Variants in HACL1 observed in about 807,000 individuals in gnomAD.
HACL1 encodes the protein 1600020H07Rik.
HACL1 carries 64 observed loss-of-function variants against 74.2 expected under a neutral mutation model. That is an observed-to-expected ratio of 0.86 (90% CI 0.70 to 1.06). The LOEUF (loss-of-function observed/expected upper bound fraction) is 1.06, where lower values mean the gene tolerates loss of function less well. Among genes scored for constraint, HACL1 ranks in the 50% least tolerant of loss-of-function variants. The pLI is 0.00. For missense variants in HACL1, 728 were observed against 719.7 expected, an observed-to-expected ratio of 1.01 and a Z score of -0.13; for synonymous variants, 230 against 238.8, an observed-to-expected ratio of 0.96 and a Z score of 0.34.
intron 3 of HACL1, among the ~76,000 whole-genome samples, chr3:15,593,794 G>GTTTTTTTTTTTTTTTT (rs1559563174): frequency 8.6e-6 from 1 of 116,660 alleles, no homozygotes; most frequent in Non-Finnish European, 1.8e-5. Flanking sequence ...TTTTTTTTTT[G>GTTTTTTTTTTTTTTTT]TCTTTTTTTT....
At chr3:15,600,783 T>A (rs535288404) in intron 2 of HACL1, 3 of 410,990 alleles carry the variant, frequency 7.3e-6, no homozygotes, top group African/African-American at 4.0e-5. Context: ...ACTTTACTCA[T>A]AAACTGTCCA....
At chr3:15,597,764 C>A (rs1038818019) in intron 2 of HACL1, among the ~76,000 whole-genome samples, 38 of 151,896 alleles carry the variant, frequency 2.5e-4, no homozygotes, top group Admixed American at 9.8e-4. Flanking sequence ...ATCTCTCTTT[C>A]CTTTTGCACA....
intron 9 of HACL1, among the ~76,000 whole-genome samples, chr3:15,578,897 G>A (rs1231514145): frequency 1.3e-5 from 2 of 152,218 alleles, no homozygotes; most frequent in African/African-American, 4.8e-5. Context: ...CTGAGAATGG[G>A]AGAGTGGGGG....
chr3:15,592,358 A>G (rs2063939092), intron 3 of HACL1, among the ~76,000 whole-genome samples: 1 of 151,080 alleles, frequency 6.6e-6, no homozygotes, highest in African/African-American at 2.4e-5. Context: ...TACTCTATAT[A>G]TATGTATACA....
At chr3:15,565,630 T>A (rs76938753) in intron 14 of HACL1, among the ~76,000 whole-genome samples, 1 of 152,258 alleles carries the variant, frequency 6.6e-6, no homozygotes, top group East Asian at 1.9e-4. Flanking sequence ...AAAACTAAAC[T>A]GCATACTGTT....
intron 11 of HACL1, 51 bp downstream of exon 11, chr3:15,573,108 T>C (rs750234425): frequency 1.0e-6 from 1 of 956,236 alleles, no homozygotes; most frequent in Non-Finnish European, 1.7e-6. Context: ...TTTTCAAGAA[T>C]TGACTATTCC....
At chr3:15,575,869 T>G (rs543929183) in intron 9 of HACL1, among the ~76,000 whole-genome samples, 1 of 151,872 alleles carries the variant, frequency 6.6e-6, no homozygotes, top group East Asian at 1.9e-4. Flanking sequence ...TACATAAATG[T>G]TTTCCTGGCC....
intron 3 of HACL1, among the ~76,000 whole-genome samples, chr3:15,593,684 AAG>A (rs549895468): frequency 6.6e-6 from 1 of 152,258 alleles, no homozygotes; most frequent in South Asian, 2.1e-4. Context: ...TGTATGAAAA[AAG>A]GTTTTTTTTT....
chr3:15,592,550 A>G lies in HACL1; in HGVS notation c.228-870T>C, dbSNP rs557205564. On this transcript the variant is annotated intron_variant, in intron 3 of 16. Coordinates refer to ENST00000321169, the MANE Select transcript of HACL1 (RefSeq NM_012260.4). ...TACACATGTATACACATGTACGCAC[A>G]TGTGTGCGTGTATACACATGTACGC... is the stretch of plus-strand genomic sequence containing the variant. Among the ~76,000 whole-genome samples the G allele has an allele frequency of 8.0e-5, 11 of 138,180 alleles. No homozygotes were observed. In the East Asian group the frequency reaches 3.9e-3, roughly 49 times the overall value. 90.7% of individuals were successfully genotyped at this position (138,180 alleles called of 152,430 possible). A position where few individuals can be genotyped will look rare whatever the true frequency, so the allele number is the denominator to read the frequency against.
At chr3:15,600,389 A>C (rs992941941) in intron 2 of HACL1, among the ~76,000 whole-genome samples, 1 of 152,240 alleles carries the variant, frequency 6.6e-6, no homozygotes, top group Non-Finnish European at 1.5e-5. Context: ...TGGATTCTTG[A>C]CCTTTCAAGC....
At chr3:15,576,581 G>A (rs186983863) in intron 9 of HACL1, among the ~76,000 whole-genome samples, 4 of 152,040 alleles carry the variant, frequency 2.6e-5, no homozygotes, top group Non-Finnish European at 4.4e-5. Context: ...TTACGTTTCC[G>A]ATGTGGCTCT....
At chr3:15,599,035 T>C (rs2064126136) in intron 2 of HACL1, among the ~76,000 whole-genome samples, 1 of 152,246 alleles carries the variant, frequency 6.6e-6, no homozygotes, top group African/African-American at 2.4e-5. Context: ...TCCTCTTTCC[T>C]AACTGGTTAA....
intron 16 of HACL1, among the ~76,000 whole-genome samples, chr3:15,562,688 T>C (rs948096945): frequency 6.6e-6 from 1 of 152,194 alleles, no homozygotes; most frequent in Non-Finnish European, 1.5e-5. Flanking sequence ...AAATTAAGTA[T>C]GAAATGCAAC....
chr3:15,601,484 G>C lies in HACL1; in HGVS notation c.-21C>G, dbSNP rs1310176037. The C allele has an allele frequency of 6.2e-7, 1 of 1,611,596 alleles. No individual in the cohort carries two copies. The highest frequency in any genetic ancestry group is 8.5e-7 in the Non-Finnish European group (1 of 1,180,022). On this transcript the variant is annotated 5_prime_UTR_variant, in exon 1 of 17. Transcript: ENST00000321169. ...GGCATCTTCCACCGAAAAGCTCTAA[G>C]CACTCACGCAGCCGGCAAACAAGCG... is the stretch of plus-strand genomic sequence containing the variant.
intron 3 of HACL1, among the ~76,000 whole-genome samples, chr3:15,592,033 G>C (rs535181825): frequency 5.8e-5 from 8 of 138,054 alleles, no homozygotes; most frequent in African/African-American, 1.7e-4. Flanking sequence ...CACTACATAC[G>C]TATATATACA....
chr3:15,600,258 G>C (rs1052848848), intron 2 of HACL1, among the ~76,000 whole-genome samples: 4 of 152,242 alleles, frequency 2.6e-5, no homozygotes, highest in African/African-American at 7.2e-5. Flanking sequence ...GCACCACTTA[G>C]GGTGGCCAGG....
chr3:15,593,844 C>A (rs1000154353), intron 3 of HACL1, among the ~76,000 whole-genome samples: 1 of 141,712 alleles, frequency 7.1e-6, no homozygotes, highest in South Asian at 2.2e-4. Context: ...GTTCCCCAGG[C>A]TGCAGTGCAA....
rs769861607 is a variant in HACL1 at position 15,582,865 on chromosome 3, T to C, written c.667+12A>G. 2.2e-6 allele frequency: 3 copies of C among 1,355,938 alleles called. No individual in the cohort carries two copies. Among genetic ancestry groups the C allele is most frequent in the African/African-American group, 2.9e-5 (2 of 69,544 alleles). 84.0% of individuals were successfully genotyped at this position (1,355,938 alleles called of 1,614,324 possible). A position where few individuals can be genotyped will look rare whatever the true frequency, so the allele number is the denominator to read the frequency against. On this transcript the variant is annotated intron_variant, in intron 8 of 16. Transcript: ENST00000321169. The stretch of plus-strand genomic sequence containing the variant: ...AAAAGCCTAGCAAGATTTAGAGTTC[T>C]ATTCATGCTACCTTTCCCGATGATA...
chr3:15,561,206 C>A (rs1443413553), intron 16 of HACL1, among the ~76,000 whole-genome samples: 1 of 152,208 alleles, frequency 6.6e-6, no homozygotes, highest in African/African-American at 2.4e-5. Flanking sequence ...AGGAGGCCCA[C>A]AGAGGGCTGA....
Sources: allele counts gnomAD v4.1 joint callset (sites outside exome capture counted in the v4.1 genomes callset), GRCh38; gene constraint gnomAD v4.1.1; transcripts MANE v1.5; gene names NCBI Gene and HGNC (gene_info 2026-07-23, HGNC 2026-07-21).